The following TCF20 variants were observed in gnomAD, a reference collection of about 807,000 sequenced individuals.
TCF20 encodes SPRE-binding protein.
TCF20 carries 3 observed loss-of-function variants against 148.6 expected under a neutral mutation model. That is an observed-to-expected ratio of 0.02 (90% CI 0.01 to 0.05). TCF20 has a LOEUF of 0.05. Among genes scored for constraint, TCF20 ranks in the 10% least tolerant of loss-of-function variants. The pLI, the probability that TCF20 is intolerant of heterozygous loss-of-function variation, is 1.00. For missense variants in TCF20, 2,350 were observed against 2,429.3 expected (o/e 0.97, Z 0.69); for synonymous variants, 1,049 against 909.5 (o/e 1.15, Z -2.76).
intron 1 of TCF20, among the ~76,000 whole-genome samples, chr22:42,227,241 C>T (rs982016989): frequency 2.0e-5 from 3 of 152,204 alleles, no homozygotes; most frequent in Admixed American, 6.5e-5. Context: ...CGTTCCATTG[C>T]ACTCCAGCCT....
intron 1 of TCF20, among the ~76,000 whole-genome samples, chr22:42,222,260 CATG>C (rs1386316149): frequency 6.6e-6 from 1 of 152,132 alleles, no homozygotes; most frequent in Non-Finnish European, 1.5e-5. Context: ...CAAAGAAAAC[CATG>C]ATCATCCCAA....
At position 42,211,334 on chromosome 22, in the gene TCF20, A is replaced by G. The variant is rs1421286086; in HGVS notation, c.3972T>C (p.Asp1324=). ...RDSSKDLPSP[D]SRNCPAVTLT... ...GGGTAACAGCAGGGCAGTTTCTACT[A>G]TCTGGACTTGGAAGGTCCTTGGAGG... The change falls in exon 2 of 6, where the codon GAT becomes GAC. Residue 1324 remains aspartate (D), a synonymous_variant. Transcript: ENST00000677622. 5 of 1,614,060 alleles carry G rather than the reference A, an allele frequency of 3.1e-6. No homozygotes were observed. Among genetic ancestry groups the G allele is most frequent in the Non-Finnish European group, 4.2e-6 (5 of 1,180,038 alleles).
chr22:42,216,079 CTTTTTTTTTTTTTTT>C (rs759118027), intron 1 of TCF20, among the ~76,000 whole-genome samples: 5 of 50,564 alleles, frequency 9.9e-5, no homozygotes, highest in South Asian at 1.1e-3. Flanking sequence ...AAACCAAATC[CTTTTTTTTTTTTTTT>C]TTTTTTTTTT....
intron 1 of TCF20, among the ~76,000 whole-genome samples, chr22:42,301,413 C>T (rs774197941): frequency 6.6e-6 from 1 of 152,156 alleles, no homozygotes; most frequent in Non-Finnish European, 1.5e-5. Context: ...GGTGAGGGGG[C>T]TATGGTGGGG....
intron 1 of TCF20, among the ~76,000 whole-genome samples, chr22:42,266,082 TA>T (rs134876): frequency 0.37 from 51,795 of 141,338 alleles, 10,189 homozygotes; most frequent in Non-Finnish European, 0.46. Context: ...GCTTTAAAAT[TA>T]AAAAAAAAAA....
intron 1 of TCF20, among the ~76,000 whole-genome samples, chr22:42,303,084 A>C (rs1927367499): frequency 6.6e-6 from 1 of 152,160 alleles, no homozygotes; most frequent in Admixed American, 6.5e-5. Flanking sequence ...TGCCCAACAC[A>C]ACGCTCGGAT....
At chr22:42,288,715 C>CAAAAAAAAAA (rs60058670), upstream of TCF20, among the ~76,000 whole-genome samples, 8 of 85,272 alleles carry the variant, frequency 9.4e-5, no homozygotes, top group African/African-American at 4.4e-4. Context: ...GACCCTGTAT[C>CAAAAAAAAAA]AAAAAAAAAA....
intron 1 of TCF20, among the ~76,000 whole-genome samples, chr22:42,307,826 G>A (rs778466258): frequency 2.6e-5 from 4 of 152,166 alleles, no homozygotes; most frequent in Admixed American, 6.5e-5. Flanking sequence ...GTGTGACTCC[G>A]GTCAGGTCCC....
In TCF20 at chr22:42,338,637, G is replaced by A. The variant is rs1242672917; in HGVS notation, c.-37+4842C>T. On this transcript the variant is annotated intron_variant, in intron 1 of 1. Coordinates refer to the TCF20 transcript ENST00000515426. The surrounding 1 kb of genome is among the most constrained non-coding windows in gnomAD (Gnocchi z 4.0). Reference sequence around the variant, plus strand: ...TGATTCCTGCCTGCTCGGGAAAGGCGGAGGCAGACAGCCATGTTGCCAGCT... The same window carrying A: ...TGATTCCTGCCTGCTCGGGAAAGGCAGAGGCAGACAGCCATGTTGCCAGCT... Among the ~76,000 whole-genome samples, 4 of 152,232 alleles carry A rather than the reference G, an allele frequency of 2.6e-5. No homozygotes were observed. The highest frequency in any genetic ancestry group is 7.2e-5 in the African/African-American group (3 of 41,450).
chr22:42,200,809 T>G lies in TCF20; in HGVS notation c.5655+8842A>C, dbSNP rs1341720522. The stretch of plus-strand genomic sequence containing the variant: ...GACCTGTCTGCTTCTGATGTCTCCC[T>G]ACTTATTTCCTGAGTTTCCTTTATA... On this transcript the variant is annotated intron_variant, in intron 2 of 5. Coordinates refer to ENST00000677622, the MANE Select transcript of TCF20 (RefSeq NM_001378418.1). 2.3e-4 allele frequency among the ~76,000 whole-genome samples: 35 copies of G among 152,204 alleles called. 1 individual carries two copies. Among genetic ancestry groups the G allele is most frequent in the Non-Finnish European group, 5.1e-4 (35 of 68,032 alleles).
Position 42,202,242 on chromosome 22 carries a change from A to G in TCF20, c.5655+7409T>C, listed in dbSNP as rs906539231. Among the ~76,000 whole-genome samples the G allele has an allele frequency of 2.6e-5, 4 of 152,346 alleles. 1 individual carries two copies. The highest frequency in any genetic ancestry group is 2.6e-4 in the Admixed American group (4 of 15,304). On this transcript the variant is annotated intron_variant, in intron 2 of 5. Coordinates refer to ENST00000677622, the MANE Select transcript of TCF20 (RefSeq NM_001378418.1). ...ATCTTTACTAAGACAACAATGAGGG[A>G]GGACACCATCTGAGGGCGGTCACCA...
intron 1 of TCF20, among the ~76,000 whole-genome samples, chr22:42,307,783 C>T (rs1469908089): frequency 6.6e-6 from 1 of 152,210 alleles, no homozygotes; most frequent in East Asian, 1.9e-4. Context: ...GCTCTCTGAG[C>T]CTCGGTCTCT....
At chr22:42,201,479 A>G (rs1009787324) in intron 2 of TCF20, among the ~76,000 whole-genome samples, 17 of 152,152 alleles carry the variant, frequency 1.1e-4, no homozygotes, top group African/African-American at 4.1e-4. Context: ...TTAAAAAAAC[A>G]ACTTTAGACC....
chr22:42,208,373 T>G (rs1938532381), intron 2 of TCF20, among the ~76,000 whole-genome samples: 1 of 152,140 alleles, frequency 6.6e-6, no homozygotes, highest in Non-Finnish European at 1.5e-5. Flanking sequence ...ATGCCTATAA[T>G]CCTGGTACTT....
intron 1 of TCF20, among the ~76,000 whole-genome samples, chr22:42,244,490 T>C (rs917612242): frequency 6.6e-5 from 10 of 152,184 alleles, no homozygotes; most frequent in Admixed American, 1.3e-4. Context: ...CAATACAATG[T>C]AGATAAATCT....
chr22:42,166,130 T>G (rs1327246010), intron 5 of TCF20, among the ~76,000 whole-genome samples: 1 of 152,246 alleles, frequency 6.6e-6, no homozygotes, highest in African/African-American at 2.4e-5. Context: ...AAAAGCTATA[T>G]GCCTTGTGGG....
intron 1 of TCF20, chr22:42,276,874 C>G (rs777285225): frequency 1.2e-4 from 19 of 152,206 alleles, no homozygotes; most frequent in African/African-American, 4.6e-4. Context: ...CAACTCTTAA[C>G]TGGTCCTCGA....
chr22:42,277,962 G>A (rs983848144), intron 1 of TCF20, among the ~76,000 whole-genome samples: 14 of 152,268 alleles, frequency 9.2e-5, no homozygotes, highest in African/African-American at 2.9e-4. Flanking sequence ...AAAAACATAC[G>A]TGGGTTGAAC....
At position 42,211,057 on chromosome 22, in the gene TCF20, C is replaced by T; in HGVS notation, c.4249G>A (p.Val1417Ile). Residue 1417 changes from valine to isoleucine, a missense_variant, in exon 2 of 6, where the codon GTC becomes ATC. Transcript: ENST00000677622. ...TGCAACTCCTGGTTTGCTGGACTGA[C>T]TAGGTCCGAAGCCACCTCACCTTTT... ...KRKGEVASDL[V>I]SPANQELHVE... The T allele has an allele frequency of 6.2e-7, 1 of 1,614,174 alleles. No individual in the cohort carries two copies. The highest frequency in any genetic ancestry group is 8.5e-7 in the Non-Finnish European group (1 of 1,180,042).
Sources: allele counts gnomAD v4.1 joint callset (sites outside exome capture counted in the v4.1 genomes callset), GRCh38; gene constraint gnomAD v4.1.1; non-coding constraint Gnocchi (gnomAD v3.1); transcripts MANE v1.5; gene names NCBI Gene and HGNC (gene_info 2026-07-23, HGNC 2026-07-21).